The following SCN1A variants were observed in gnomAD, a reference collection of about 807,000 sequenced individuals.
SCN1A encodes sodium channel protein type 1 subunit alpha.
Under a neutral mutation model 193.7 loss-of-function variants are expected in SCN1A, and 13 were observed. The observed-to-expected ratio is 0.07, with a 90% CI of 0.04 to 0.11. The LOEUF is 0.11. Ranked by LOEUF, SCN1A falls within the 10% of genes least tolerant of loss-of-function variation. SCN1A has a pLI of 1.00. For synonymous variants in SCN1A, 781 were observed against 843.6 expected, an observed-to-expected ratio of 0.93 and a Z score of 1.29; for missense variants, 1,432 against 2,451.1, an observed-to-expected ratio of 0.58 and a Z score of 8.78.
At chr2:166,105,249 C>G (rs375392399) in intron 2 of SCN1A, among the ~76,000 whole-genome samples, 2 of 152,156 alleles carry the variant, frequency 1.3e-5, no homozygotes, top group African/African-American at 4.8e-5. Flanking sequence ...ACAACTTCAT[C>G]AAGGGTTTCC....
chr2:165,995,931 G>A (rs1689968472), intron 27 of SCN1A, 82 bp downstream of exon 27: 1 of 926,792 alleles, frequency 1.1e-6, no homozygotes, highest in Non-Finnish European at 1.8e-6. Context: ...TACTGGAAAT[G>A]TTAGCTACTT....
chr2:166,052,625 A>AAAC (rs1553550373), intron 8 of SCN1A, among the ~76,000 whole-genome samples: 1 of 150,928 alleles, frequency 6.6e-6, no homozygotes, highest in Non-Finnish European at 1.5e-5. Flanking sequence ...AAAAAAAAAA[A>AAAC]CCCATGATAT....
intron 2 of SCN1A, among the ~76,000 whole-genome samples, chr2:166,106,092 C>T (rs1006085902): frequency 1.3e-5 from 2 of 152,298 alleles, no homozygotes; most frequent in South Asian, 2.1e-4. Context: ...GAGGCTAAGG[C>T]AGGAGAATGG....
intron 2 of SCN1A, among the ~76,000 whole-genome samples, chr2:166,094,780 G>T (rs4346404): frequency 9.7e-5 from 10 of 103,130 alleles, no homozygotes; most frequent in Admixed American, 3.6e-4. Context: ...ACGATGCTCA[G>T]TTATACTCTT....
intron 25 of SCN1A, among the ~76,000 whole-genome samples, chr2:165,998,801 A>G (rs867833085): frequency 2.6e-5 from 4 of 151,498 alleles, no homozygotes; most frequent in African/African-American, 9.7e-5. Context: ...TAAAAGCAAC[A>G]AAGTTAAAAA....
intron 23 of SCN1A, 140 bp from the exon 24 acceptor site, chr2:166,002,893 CA>C: frequency 3.1e-6 from 2 of 653,624 alleles, no homozygotes; most frequent in South Asian, 3.4e-5. Context: ...AAGCAAGGTT[CA>C]AAAAAATCTT....
At chr2:166,054,028 A>G (rs1368813698) in intron 7 of SCN1A, among the ~76,000 whole-genome samples, 2 of 151,936 alleles carry the variant, frequency 1.3e-5, no homozygotes, top group Admixed American at 6.6e-5. Context: ...AAAAGAAGAA[A>G]GAAAAGGGGT....
chr2:166,082,506 C>G (rs1685641921), intron 2 of SCN1A, among the ~76,000 whole-genome samples: 1 of 151,820 alleles, frequency 6.6e-6, no homozygotes, highest in African/African-American at 2.4e-5. Context: ...AAAACAAATA[C>G]AGTAAATAAA....
rs1398243041 is a variant in SCN1A, at chr2:166,038,034, G to T, written c.2688C>A (p.Val896=). 2 of 1,614,210 alleles carry T rather than the reference G, an allele frequency of 1.2e-6. No individual in the cohort carries two copies. The highest frequency in any genetic ancestry group is 1.7e-6 in the Non-Finnish European group (2 of 1,180,040). Residue 896 remains valine (V), a synonymous_variant, in exon 18 of 29, where the codon GTC becomes GTA. Coordinates refer to ENST00000674923, the MANE Select transcript of SCN1A (RefSeq NM_001165963.4). The part of the protein sequence containing the change: ...SVGALGNLTL[V]LAIIVFIFAV... ...CAAAAATGAAGACGATGATGGCCAA[G>T]ACGAGGGTTAAATTTCCCAGAGCCC...
At chr2:166,070,659 T>G (rs6432865) in intron 4 of SCN1A, among the ~76,000 whole-genome samples, 1 of 152,178 alleles carries the variant, frequency 6.6e-6, no homozygotes, top group Non-Finnish European at 1.5e-5. Context: ...ACATCTGTCT[T>G]TATATCCTTT....
upstream of SCN1A, among the ~76,000 whole-genome samples, chr2:166,129,230 C>T (rs1691534832): frequency 1.3e-5 from 2 of 152,068 alleles, no homozygotes; most frequent in Non-Finnish European, 2.9e-5. Context: ...GCTTGCAAAG[C>T]AATAAAACTA....
intron 23 of SCN1A, among the ~76,000 whole-genome samples, chr2:166,007,573 ATG>A (rs1691826278): frequency 2.0e-5 from 3 of 151,504 alleles, no homozygotes; most frequent in Non-Finnish European, 4.4e-5. Flanking sequence ...AATACAATAA[ATG>A]TTTAAAAGCT....
At chr2:166,126,036 A>G (rs1691213579) in intron 2 of SCN1A, among the ~76,000 whole-genome samples, 1 of 152,198 alleles carries the variant, frequency 6.6e-6, no homozygotes, top group African/African-American at 2.4e-5. Context: ...AGCCACACAA[A>G]TGAGTTACAG....
At chr2:166,084,807 G>T (rs1430899231) in intron 2 of SCN1A, among the ~76,000 whole-genome samples, 3 of 152,110 alleles carry the variant, frequency 2.0e-5, no homozygotes, top group African/African-American at 7.2e-5. Flanking sequence ...GGTCTAAAAA[G>T]AATGTGTGTT....
chr2:166,133,039 A>T (rs1558910685), intron 1 of SCN1A, among the ~76,000 whole-genome samples: 3 of 152,224 alleles, frequency 2.0e-5, no homozygotes, highest in Non-Finnish European at 4.4e-5. Flanking sequence ...AAATTTTATT[A>T]AAAGTATTTT....
At chr2:166,110,435 T>C (rs1026576256) in intron 2 of SCN1A, among the ~76,000 whole-genome samples, 1 of 152,138 alleles carries the variant, frequency 6.6e-6, no homozygotes, top group Non-Finnish European at 1.5e-5. Flanking sequence ...GAAAGTAAAA[T>C]GGCTTTATTG....
intron 2 of SCN1A, among the ~76,000 whole-genome samples, chr2:166,088,056 T>TTGTGTGTGTG (rs10525602): frequency 6.8e-6 from 1 of 146,742 alleles, no homozygotes; most frequent in African/African-American, 2.5e-5. Flanking sequence ...ATCTGTGTGT[T>TTGTGTGTGTG]TGTGTGTGTG....
At chr2:166,132,439 C>A (rs952871677), upstream of SCN1A, among the ~76,000 whole-genome samples, 7 of 151,762 alleles carry the variant, frequency 4.6e-5, no homozygotes, top group Non-Finnish European at 8.8e-5. Context: ...ATTCCTTGCT[C>A]TCACAAAGCA....
chr2:166,047,058 A>C, intron 11 of SCN1A, 82 bp from the exon 12 acceptor site: 2 of 1,445,062 alleles, frequency 1.4e-6, no homozygotes, highest in Non-Finnish European at 1.9e-6. Context: ...TCATGTGTCT[A>C]GCAAAACTCA....
Sources: gnomAD v4.1 joint callset for allele counts (sites outside exome capture counted in the v4.1 genomes callset) on GRCh38, gnomAD v4.1.1 for gene constraint, MANE v1.5 for transcripts, NCBI Gene and HGNC (gene_info 2026-07-23, HGNC 2026-07-21) for gene names.